DIXDC1: variants seen among roughly 807,000 people sequenced by gnomAD.
DIXDC1 encodes the protein DIX domain containing 1.
In DIXDC1, 64 loss-of-function variants were observed where a neutral mutation model predicts 103.1. That is an observed-to-expected ratio of 0.62 (90% CI 0.51 to 0.76). The LOEUF (loss-of-function observed/expected upper bound fraction) is 0.76, where lower values mean the gene tolerates loss of function less well. Ranked by LOEUF, DIXDC1 falls within the 30% of genes least tolerant of loss-of-function variation. DIXDC1 has a pLI of 0.00. For synonymous variants in DIXDC1, 266 were observed against 298.5 expected, an observed-to-expected ratio of 0.89 and a Z score of 1.12; for missense variants, 759 against 834.2, an observed-to-expected ratio of 0.91 and a Z score of 1.11.
At chr11:111,941,668 G>T (rs587639627) in intron 1 of DIXDC1, among the ~76,000 whole-genome samples, 2 of 151,536 alleles carry the variant, frequency 1.3e-5, no homozygotes, top group East Asian at 3.9e-4. Flanking sequence ...AAAAAAAAAT[G>T]AGCTGGGCAT....
Position 111,947,739 on chromosome 11 carries a change from C to T in DIXDC1, c.60+10180C>T, listed in dbSNP as rs138232869. On this transcript the variant is annotated intron_variant, in intron 1 of 19. Coordinates refer to ENST00000440460, the MANE Select transcript of DIXDC1 (RefSeq NM_001037954.4). ...CTATTCACTTGTGAAGCTCTGATCG[C>T]TGTTAGATGCCATTGAACAGATTCA... is the stretch of plus-strand genomic sequence containing the variant. Among the ~76,000 whole-genome samples, 7 of 152,318 alleles carry T rather than the reference C, an allele frequency of 4.6e-5. No homozygotes were observed. In the East Asian group the frequency reaches 1.3e-3, roughly 29 times the overall value.
intron 17 of DIXDC1, 146 bp downstream of exon 17, chr11:111,996,292 G>T (rs587670552): frequency 1.5e-6 from 1 of 680,616 alleles, no homozygotes; most frequent in East Asian, 3.0e-5. Flanking sequence ...CTGCAATTGA[G>T]TTAGTTCTAA....
intron 1 of DIXDC1, among the ~76,000 whole-genome samples, chr11:111,939,854 G>A (rs998544566): frequency 6.6e-6 from 1 of 152,128 alleles, no homozygotes; most frequent in Non-Finnish European, 1.5e-5. Context: ...TTGAGATAAG[G>A]ATGTAAACAG....
At chr11:112,004,114 G>GTA (rs587669386) in intron 17 of DIXDC1, among the ~76,000 whole-genome samples, 83 of 148,722 alleles carry the variant, frequency 5.6e-4, no homozygotes, top group East Asian at 1.4e-3. Flanking sequence ...GTGTATATGT[G>GTA]TATATATATA....
chr11:112,013,324 G>GGT (rs1861485202), intron 17 of DIXDC1, among the ~76,000 whole-genome samples: 1 of 130,612 alleles, frequency 7.7e-6, no homozygotes, highest in Non-Finnish European at 1.6e-5. Flanking sequence ...CGGGGGGTGG[G>GGT]GGTGGGGTGG....
intron 16 of DIXDC1, 147 bp from the exon 17 acceptor site, chr11:111,995,933 T>C (rs1302236771): frequency 1.3e-6 from 1 of 754,982 alleles, no homozygotes; most frequent in Non-Finnish European, 2.2e-6. Flanking sequence ...ATATTATTAT[T>C]GTTAGGATAA....
chr11:111,981,396 T>C (rs1400859755), intron 6 of DIXDC1, among the ~76,000 whole-genome samples: 1 of 152,248 alleles, frequency 6.6e-6, no homozygotes, highest in Non-Finnish European at 1.5e-5. Context: ...AGAAGCAAAG[T>C]GCAAGACTTA....
chr11:111,945,181 C>T (rs1425253203), intron 1 of DIXDC1, among the ~76,000 whole-genome samples: 1 of 152,196 alleles, frequency 6.6e-6, no homozygotes, highest in Non-Finnish European at 1.5e-5. Context: ...TTGTCTGCTT[C>T]TTTCTATGCT....
chr11:111,993,957 C>G (rs1555174992), intron 14 of DIXDC1, among the ~76,000 whole-genome samples: 2 of 152,156 alleles, frequency 1.3e-5, no homozygotes, highest in African/African-American at 4.8e-5. Context: ...TCTTCTGAGC[C>G]TTAGAAATAG....
chr11:111,994,525 A>G (rs1555175059), intron 14 of DIXDC1, among the ~76,000 whole-genome samples: 1 of 151,230 alleles, frequency 6.6e-6, no homozygotes, highest in Non-Finnish European at 1.5e-5. Flanking sequence ...ATACATATAT[A>G]TGTATATGTG....
At chr11:111,963,885 T>C (rs1375462729) in intron 1 of DIXDC1, among the ~76,000 whole-genome samples, 6 of 152,198 alleles carry the variant, frequency 3.9e-5, no homozygotes, top group African/African-American at 1.4e-4. Context: ...AGCCTTTCTT[T>C]TTCCTTCTTT....
intron 5 of DIXDC1, chr11:111,975,834 C>T: frequency 1.0e-6 from 1 of 985,058 alleles, no homozygotes; most frequent in Non-Finnish European, 1.2e-6. Flanking sequence ...TATTTTAATG[C>T]ACATTTCCTA....
At chr11:111,927,510 C>G (rs1237545061) in intron 1 of DIXDC1, 1 of 152,298 alleles carries the variant, frequency 6.6e-6, no homozygotes, top group African/African-American at 2.4e-5. Flanking sequence ...TTTCAAAGAC[C>G]AAACCGCCCT....
chr11:111,986,854 G>C lies in DIXDC1; in HGVS notation c.1009-17G>C. ...ACAGCATAGGTGCTTAGCCATCTCT[G>C]TTTGTCTTATATTCAGATTATAATC... is the stretch of plus-strand genomic sequence containing the variant. On this transcript the variant is annotated splice_polypyrimidine_tract_variant and intron_variant, in intron 8 of 19. Transcript: ENST00000440460. 1 of 1,559,436 alleles carries C rather than the reference G, an allele frequency of 6.4e-7. No homozygotes were observed. Among genetic ancestry groups the C allele is most frequent in the Non-Finnish European group, 8.7e-7 (1 of 1,150,638 alleles).
rs1406580262 is a variant in DIXDC1, at chr11:111,968,638, G to T, written c.316G>T (p.Asp106Tyr). Residue 106 changes from aspartate (D) to tyrosine (Y), a missense_variant and splice_region_variant, in exon 3 of 20, where the codon GAT becomes TAT. Around this residue, in one of 3 missense-constraint regions of DIXDC1, gnomAD observed 657 missense variants for 727.5 expected, o/e 0.90. Transcript: ENST00000440460. ...TCGTATGCACCAGACTTCGGCTAAAGGTCAGTGCCTCATCACATCCTTGGT... is the reference window on the plus strand; with the variant it reads ...TCGTATGCACCAGACTTCGGCTAAATGTCAGTGCCTCATCACATCCTTGGT... ...KIRMHQTSAK[D>Y]IVDGNLKSIM... 1 of 1,606,634 alleles carries T rather than the reference G, an allele frequency of 6.2e-7. No individual in the cohort carries two copies. Among genetic ancestry groups the T allele is most frequent in the East Asian group, 2.2e-5 (1 of 44,704 alleles).
At chr11:111,957,599 G>T (rs587595082) in intron 1 of DIXDC1, among the ~76,000 whole-genome samples, 1 of 152,348 alleles carries the variant, frequency 6.6e-6, no homozygotes, top group African/African-American at 2.4e-5. Flanking sequence ...ACCTGAATTT[G>T]ATTATGAGAA....
chr11:111,995,456 C>T lies in DIXDC1; in HGVS notation c.1581C>T (p.Phe527=). Residue 527 remains phenylalanine, a synonymous_variant, in exon 16 of 20, where the codon TTC becomes TTT. Transcript: ENST00000440460. The part of the protein sequence containing the change: ...RDALRSLRNS[F]SGHDPQHHTI... Reference sequence around the variant, plus strand: ...CTCTCCGCAGCCTGCGCAACAGCTTCAGTGGCCACGATCCTCAGCACCACA... The same window carrying T: ...CTCTCCGCAGCCTGCGCAACAGCTTTAGTGGCCACGATCCTCAGCACCACA... 6.2e-7 allele frequency: 1 copy of T among 1,613,876 alleles called. No homozygotes were observed. The highest frequency in any genetic ancestry group is 1.1e-5 in the South Asian group (1 of 91,070).
At chr11:112,006,192 C>T (rs183607305) in intron 17 of DIXDC1, among the ~76,000 whole-genome samples, 9 of 152,180 alleles carry the variant, frequency 5.9e-5, no homozygotes, top group African/African-American at 1.9e-4. Context: ...GCTAGTGCAG[C>T]AGTCAGAGAT....
rs587613670 is a variant in DIXDC1 at position 111,953,998 on chromosome 11, C to CT, written c.61-10548dup. On this transcript the variant is annotated intron_variant, in intron 1 of 19. Coordinates refer to ENST00000440460, the MANE Select transcript of DIXDC1 (RefSeq NM_001037954.4). ...ATTCCCTAAACCAGAGGTCCCCAACCTTTCTGGCACCAGGGACCGGTTTCA... is the reference window on the plus strand; with the variant it reads ...ATTCCCTAAACCAGAGGTCCCCAACCTTTTCTGGCACCAGGGACCGGTTTCA... Among the ~76,000 whole-genome samples, 13 of 152,250 alleles carry CT rather than the reference C, an allele frequency of 8.5e-5. No homozygotes were observed. In the East Asian group the frequency reaches 2.3e-3, roughly 27 times the overall value.
Sources: gnomAD v4.1 joint callset for allele counts (sites outside exome capture counted in the v4.1 genomes callset) on GRCh38, gnomAD v4.1.1 for gene constraint, gnomAD v4.1.1 regional missense constraint, MANE v1.5 for transcripts, NCBI Gene and HGNC (gene_info 2026-07-23, HGNC 2026-07-21) for gene names.